Variants in CREB5 observed in about 807,000 individuals in gnomAD.
CREB5 encodes cAMP responsive element binding protein 5, also known as cyclic AMP-responsive element-binding protein 5.
CREB5 carries 19 observed loss-of-function variants against 57.1 expected under a neutral mutation model. The ratio of observed to expected loss-of-function variants is 0.33; its 90% CI spans 0.23 to 0.49. The LOEUF (loss-of-function observed/expected upper bound fraction) is 0.49. CREB5 is among the 20% of genes least tolerant of loss of function. The probability of loss-of-function intolerance (pLI) is 0.99; values close to 1 mark genes in which losing one functional copy is unlikely to be tolerated. For missense variants in CREB5, 579 were observed against 671.6 expected (o/e 0.86, Z 1.52); for synonymous variants, 238 against 238.3 (o/e 1.00, Z 0.01).
chr7:28,507,225 A>C (rs1792515056), intron 3 of CREB5, among the ~76,000 whole-genome samples: 3 of 144,154 alleles, frequency 2.1e-5, no homozygotes, highest in Admixed American at 2.1e-4. Flanking sequence ...ACATTGGGTC[A>C]GATTTTTTTT....
intron 5 of CREB5, among the ~76,000 whole-genome samples, chr7:28,580,110 C>T (rs1427148669): frequency 6.6e-6 from 1 of 152,128 alleles, no homozygotes; most frequent in East Asian, 1.9e-4. Flanking sequence ...TTCTAAAGTC[C>T]TTCCAAAGCC....
chr7:28,685,376 C>A (rs1413787683), intron 5 of CREB5, among the ~76,000 whole-genome samples: 11 of 152,106 alleles, frequency 7.2e-5, no homozygotes, highest in Admixed American at 7.2e-4. Context: ...GACACGGGCA[C>A]GTGTTTGGAC....
intron 1 of CREB5, among the ~76,000 whole-genome samples, chr7:28,338,945 A>C (rs1785880069): frequency 6.6e-6 from 1 of 151,898 alleles, no homozygotes; most frequent in African/African-American, 2.4e-5. Context: ...TGCATTTTTC[A>C]ACTCCAGAAT....
chr7:28,560,849 T>TGGGTGTGTGTGCGTGCGTGTGCGTGC (rs1342485250), intron 4 of CREB5, among the ~76,000 whole-genome samples: 1 of 87,054 alleles, frequency 1.1e-5, no homozygotes, highest in African/African-American at 5.5e-5. Flanking sequence ...TGTGTGCGCG[T>TGGGTGTGTGTGCGTGCGTGTGCGTGC]GTGTGTGTGC....
chr7:28,818,203 T>C lies in CREB5; in HGVS notation c.1363+24T>C, dbSNP rs565949783. The C allele has an allele frequency of 1.9e-5, 30 of 1,538,834 alleles. No individual in the cohort carries two copies. In the South Asian group the frequency reaches 3.2e-4, roughly 16 times the overall value. ...AAGTAAGTCGCCGACTTTTTCACTT[T>C]TCTTTAGTGTCCAATATTTTTTGCC... On this transcript the variant is annotated intron_variant, in intron 10 of 10. Transcript: ENST00000357727.
chr7:28,584,180 T>TAAAGG (rs1796228393), intron 5 of CREB5, among the ~76,000 whole-genome samples: 3 of 152,160 alleles, frequency 2.0e-5, no homozygotes, highest in Non-Finnish European at 2.9e-5. Context: ...GACAGTCCTT[T>TAAAGG]ACTTCTTCCT....
intron 9 of CREB5, among the ~76,000 whole-genome samples, chr7:28,816,055 G>GCACACACACACACACACA (rs34917973): frequency 6.9e-6 from 1 of 145,258 alleles, no homozygotes; most frequent in African/African-American, 2.5e-5. Flanking sequence ...AAATATATAC[G>GCACACACACACACACACA]CACACACACA....
intron 1 of CREB5, among the ~76,000 whole-genome samples, chr7:28,340,604 G>A (rs1785918445): frequency 1.3e-5 from 2 of 152,132 alleles, no homozygotes; most frequent in Non-Finnish European, 1.5e-5. Context: ...GGTTAGAAGA[G>A]GGGTGGTGCA....
intron 7 of CREB5, among the ~76,000 whole-genome samples, chr7:28,748,524 G>C (rs1804799158): frequency 6.6e-6 from 1 of 152,132 alleles, no homozygotes; most frequent in Non-Finnish European, 1.5e-5. Flanking sequence ...AGAGCTCAGT[G>C]GTATGAAAAA....
At chr7:28,327,453 G>A (rs1484476825) in intron 1 of CREB5, among the ~76,000 whole-genome samples, 2 of 152,044 alleles carry the variant, frequency 1.3e-5, no homozygotes, top group Non-Finnish European at 2.9e-5. Context: ...GCAATTCAGC[G>A]GCATTCCTTG....
intron 4 of CREB5, among the ~76,000 whole-genome samples, chr7:28,559,716 C>T (rs185264613): frequency 7.3e-4 from 111 of 152,302 alleles, no homozygotes; most frequent in Middle Eastern, 6.8e-3. Context: ...CACATTTCAA[C>T]GCCTCAAAAA....
chr7:28,707,972 A>G (rs145740673), intron 5 of CREB5, among the ~76,000 whole-genome samples: 3 of 151,872 alleles, frequency 2.0e-5, no homozygotes, highest in African/African-American at 7.2e-5. Context: ...GTATTTTCTC[A>G]TGCTTCTCTG....
intron 5 of CREB5, among the ~76,000 whole-genome samples, chr7:28,586,844 C>A (rs1185028190): frequency 6.6e-6 from 1 of 152,226 alleles, no homozygotes; most frequent in Non-Finnish European, 1.5e-5. Context: ...GCATGTTTGT[C>A]CATCCCACAA....
chr7:28,437,160 A>C (rs756951357), intron 1 of CREB5, among the ~76,000 whole-genome samples: 1 of 152,126 alleles, frequency 6.6e-6, no homozygotes, highest in Non-Finnish European at 1.5e-5. Context: ...ACTTCACACT[A>C]CTGTTTGTGC....
At chr7:28,569,706 T>C (rs1795623051) in intron 4 of CREB5, among the ~76,000 whole-genome samples, 1 of 152,202 alleles carries the variant, frequency 6.6e-6, no homozygotes, top group Admixed American at 6.5e-5. Context: ...GCTTGATTAT[T>C]GTTCTGTGTT....
At chr7:28,628,096 A>C (rs1037812785) in intron 5 of CREB5, among the ~76,000 whole-genome samples, 1 of 152,098 alleles carries the variant, frequency 6.6e-6, no homozygotes, top group African/African-American at 2.4e-5. Context: ...TTATTCTAAC[A>C]GGCAGCCAGT....
At chr7:28,571,536 T>C (rs1795703916) in intron 5 of CREB5, among the ~76,000 whole-genome samples, 1 of 152,116 alleles carries the variant, frequency 6.6e-6, no homozygotes, top group African/African-American at 2.4e-5. Context: ...GAGGAAAAAT[T>C]GGTAGAAAGA....
intron 7 of CREB5, among the ~76,000 whole-genome samples, chr7:28,742,900 A>C (rs1804454559): frequency 6.6e-6 from 1 of 152,074 alleles, no homozygotes; most frequent in African/African-American, 2.4e-5. Context: ...CTCCTGCTTC[A>C]GACTCCTGAG....
chr7:28,702,102 A>G (rs1035946311), intron 5 of CREB5, among the ~76,000 whole-genome samples: 1 of 152,218 alleles, frequency 6.6e-6, no homozygotes, highest in East Asian at 1.9e-4. Context: ...ATATAACAGA[A>G]GGTCTTTTTT....
Sources: gnomAD v4.1 joint callset for allele counts (sites outside exome capture counted in the v4.1 genomes callset) on GRCh38, gnomAD v4.1.1 for gene constraint, MANE v1.5 for transcripts, NCBI Gene and HGNC (gene_info 2026-07-23, HGNC 2026-07-21) for gene names.